Variants in C11orf65 observed in about 807,000 individuals in gnomAD.
C11orf65 encodes protein MFI.
In C11orf65, 38 loss-of-function variants were observed where a neutral mutation model predicts 35.3. That is an observed-to-expected ratio of 1.08 (90% confidence interval 0.83 to 1.41). The LOEUF is 1.41. C11orf65 is among the 40% of genes most tolerant of loss of function. C11orf65 has a pLI of 0.00. For synonymous variants in C11orf65, 105 were observed against 114.4 expected (o/e 0.92, Z 0.53); for missense variants, 370 against 367.1 (o/e 1.01, Z -0.06).
At chr11:108,376,921 C>G (rs2091744638) in intron 2 of C11orf65, among the ~76,000 whole-genome samples, 1 of 152,004 alleles carries the variant, frequency 6.6e-6, no homozygotes, top group Admixed American at 6.5e-5. Flanking sequence ...TCTCCCGAGA[C>G]TAAACCAGGA....
chr11:108,466,399 C>G (rs918759529), intron 1 of C11orf65, among the ~76,000 whole-genome samples: 1 of 152,008 alleles, frequency 6.6e-6, no homozygotes, highest in African/African-American at 2.4e-5. Context: ...TATGGTGAAA[C>G]CCTGTCTCTA....
downstream of C11orf65, chr11:108,330,088 G>A (rs907859049): frequency 2.1e-6 from 2 of 938,018 alleles, no homozygotes; most frequent in African/African-American, 3.3e-5. Flanking sequence ...ATAATCCTTA[G>A]AAGTTTGCTT....
chr11:108,345,822 A>G lies in C11orf65; in HGVS notation c.227-10530T>C, dbSNP rs1555138162. The G allele has an allele frequency of 2.5e-6, 4 of 1,613,902 alleles. No homozygotes were observed. The highest frequency in any genetic ancestry group is 3.4e-6 in the Non-Finnish European group (4 of 1,179,844). ...CAAAATTTTCAACCAGTTTTCCGTT[A>G]CTTCTGCATGGAAAAATTCTTGGAT... is the stretch of plus-strand genomic sequence containing the variant. On this transcript the variant is annotated intron_variant, in intron 2 of 3. Coordinates refer to the C11orf65 transcript ENST00000524755.
Position 108,353,872 on chromosome 11 carries a change from C to T in C11orf65, c.227-18580G>A, listed in dbSNP as rs1430419604. The T allele has an allele frequency of 1.2e-6, 2 of 1,611,580 alleles. No individual in the cohort carries two copies. Among genetic ancestry groups the T allele is most frequent in the Non-Finnish European group, 1.7e-6 (2 of 1,177,916 alleles). ...TGGGCATTACGGGTGTTGAAGGTGT[C>T]TTCAGAAGGTAAGTGATATGAAGTA... On this transcript the variant is annotated intron_variant, in intron 2 of 3. Transcript: ENST00000524755.
chr11:108,325,079 TC>T (rs1283147913), intron 6 of C11orf65, among the ~76,000 whole-genome samples: 2 of 152,126 alleles, frequency 1.3e-5, no homozygotes, highest in Non-Finnish European at 2.9e-5. Flanking sequence ...TTGATGTTTG[TC>T]ATCTGTGACC....
At chr11:108,402,930 G>A (rs762556043) in intron 6 of C11orf65, among the ~76,000 whole-genome samples, 14 of 152,174 alleles carry the variant, frequency 9.2e-5, no homozygotes, top group Non-Finnish European at 1.9e-4. Context: ...TTGTACTGCT[G>A]CGTAGTATTC....
chr11:108,349,164 G>T (rs571000243), intron 2 of C11orf65, among the ~76,000 whole-genome samples: 2 of 152,308 alleles, frequency 1.3e-5, no homozygotes, highest in Admixed American at 1.3e-4. Flanking sequence ...GATCTTGGAA[G>T]GCAAGAGGGG....
chr11:108,379,183 T>A (rs1198255268), downstream of C11orf65, among the ~76,000 whole-genome samples: 7 of 152,088 alleles, frequency 4.6e-5, no homozygotes, highest in Non-Finnish European at 1.0e-4. Flanking sequence ...CACACGTATG[T>A]TTATTGCCGC....
intron 6 of C11orf65, chr11:108,315,942 G>A (rs763485168): frequency 1.2e-6 from 2 of 1,606,584 alleles, no homozygotes; most frequent in Non-Finnish European, 1.7e-6. Flanking sequence ...CAACGGTATA[G>A]TAATTCTGTT....
Position 108,321,370 on chromosome 11 carries a change from C to T in C11orf65, c.641-12299G>A, listed in dbSNP as rs772850740. 9.3e-6 allele frequency: 15 copies of T among 1,614,054 alleles called. No individual in the cohort carries two copies. The highest frequency in any genetic ancestry group is 2.2e-5 in the East Asian group (1 of 44,896). On this transcript the variant is annotated intron_variant, in intron 6 of 6. Transcript: ENST00000525729. ...TGTATTCGCTCTATCCCACACTTAG[C>T]AGGTTGCAGGCCATTGGAGAGCTGG...
chr11:108,341,988 T>C (rs1026378052), intron 2 of C11orf65, among the ~76,000 whole-genome samples: 1 of 152,192 alleles, frequency 6.6e-6, no homozygotes, highest in Non-Finnish European at 1.5e-5. Flanking sequence ...AGAGCAGACT[T>C]GTCCAACCCA....
chr11:108,327,733 T>A (rs1197214197), downstream of C11orf65: 1 of 1,613,988 alleles, frequency 6.2e-7, no homozygotes, highest in East Asian at 2.2e-5. Flanking sequence ...AATCCTGCGG[T>A]CATCATGCAG....
At chr11:108,317,624 T>C in intron 6 of C11orf65, 2 of 64,926 alleles carry the variant, frequency 3.1e-5, no homozygotes, top group Non-Finnish European at 5.7e-5. Flanking sequence ...TTTATATATA[T>C]ATATATATAT....
rs1467809725 is a variant in C11orf65 at position 108,331,473 on chromosome 11, A to G, written c.*77T>C. On this transcript the variant is annotated 3_prime_UTR_variant, in exon 4 of 4. Transcript: ENST00000524755. ...ACGGAATGAAGATTCCAACATATAA[A>G]TTTTTGCCTCTTATGTACCAATTGG... 1.9e-6 allele frequency: 3 copies of G among 1,613,426 alleles called. No homozygotes were observed. In the East Asian group the frequency reaches 6.7e-5, roughly 36 times the overall value.
intron 2 of C11orf65, among the ~76,000 whole-genome samples, chr11:108,359,749 G>C (rs1175501947): frequency 6.6e-6 from 1 of 151,970 alleles, no homozygotes; most frequent in South Asian, 2.1e-4. Flanking sequence ...TGAAACCAAC[G>C]AGAACAAAGA....
rs191398739 is a variant in C11orf65, at chr11:108,444,434, T to C, written c.82-12596A>G. On this transcript the variant is annotated intron_variant, in intron 2 of 8. Coordinates refer to ENST00000393084, the MANE Select transcript of C11orf65 (RefSeq NM_152587.5). ...TTCCTTCTGAAACTATCCCAATCAA[T>C]AGAAAAAGAAGGAATCCTCCCTAAC... 4.7e-3 allele frequency among the ~76,000 whole-genome samples: 710 copies of C among 151,998 alleles called. 7 individuals carry two copies. The highest frequency in any genetic ancestry group is 0.016 in the African/African-American group (656 of 41,444).
At chr11:108,446,354 A>G (rs1325063812) in intron 2 of C11orf65, among the ~76,000 whole-genome samples, 1 of 151,564 alleles carries the variant, frequency 6.6e-6, no homozygotes, top group Admixed American at 6.6e-5. Context: ...GTTGAAATGA[A>G]GGAAAAAATG....
chr11:108,316,260 AG>A, intron 6 of C11orf65: 1 of 884,636 alleles, frequency 1.1e-6, no homozygotes, highest in Non-Finnish European at 1.8e-6. Context: ...CTAAACATTC[AG>A]GGATACTCCT....
At chr11:108,336,087 A>C (rs2081812033) in intron 2 of C11orf65, 2 of 708,398 alleles carry the variant, frequency 2.8e-6, no homozygotes, top group Non-Finnish European at 5.0e-6. Flanking sequence ...GCTTGAGGCC[A>C]GGAGTTCGAG....
Sources: gnomAD v4.1 joint callset for allele counts (sites outside exome capture counted in the v4.1 genomes callset) on GRCh38, gnomAD v4.1.1 for gene constraint, MANE v1.5 for transcripts, NCBI Gene and HGNC (gene_info 2026-07-23, HGNC 2026-07-21) for gene names.